The following DOK5 variants were observed in gnomAD, a reference collection of about 807,000 sequenced individuals.
DOK5 encodes docking protein 5.
Under a neutral mutation model 43.3 loss-of-function variants are expected in DOK5, and 27 were observed. That is an observed-to-expected ratio of 0.62 (90% CI 0.46 to 0.86). The LOEUF (loss-of-function observed/expected upper bound fraction) is 0.86, where lower values mean the gene tolerates loss of function less well. Ranked by LOEUF, DOK5 falls within the 40% of genes least tolerant of loss-of-function variation. DOK5 has a pLI of 0.00. For synonymous variants in DOK5, 146 were observed against 140.1 expected, an observed-to-expected ratio of 1.04 and a Z score of -0.30; for missense variants, 373 against 392.9, an observed-to-expected ratio of 0.95 and a Z score of 0.43.
intron 1 of DOK5, among the ~76,000 whole-genome samples, chr20:54,512,151 A>G (rs1983036086): frequency 6.6e-6 from 1 of 152,226 alleles, no homozygotes; most frequent in South Asian, 2.1e-4. Context: ...TGAATACATA[A>G]TGAGTAGACT....
intron 2 of DOK5, among the ~76,000 whole-genome samples, chr20:54,560,182 C>T (rs1984852237): frequency 6.6e-6 from 1 of 152,142 alleles, no homozygotes; most frequent in Non-Finnish European, 1.5e-5. Flanking sequence ...ACAGTTTCTT[C>T]CTCATCTAAA....
At chr20:54,560,131 G>A (rs1202144355) in intron 2 of DOK5, among the ~76,000 whole-genome samples, 1 of 152,212 alleles carries the variant, frequency 6.6e-6, no homozygotes, top group African/African-American at 2.4e-5. Flanking sequence ...GTGTGTGTGT[G>A]TGATAACCTT....
At chr20:54,636,609 GC>G (rs1342100734) in intron 6 of DOK5, among the ~76,000 whole-genome samples, 1 of 152,054 alleles carries the variant, frequency 6.6e-6, no homozygotes, top group African/African-American at 2.4e-5. Flanking sequence ...CCAATCAGCA[GC>G]CCCCATCCCC....
At chr20:54,511,376 A>G (rs1344962145) in intron 1 of DOK5, among the ~76,000 whole-genome samples, 1 of 152,188 alleles carries the variant, frequency 6.6e-6, no homozygotes, top group African/African-American at 2.4e-5. Context: ...CACCTGCTTA[A>G]CTTCCTCATG....
At chr20:54,564,819 C>T (rs1340490200) in intron 2 of DOK5, among the ~76,000 whole-genome samples, 3 of 152,102 alleles carry the variant, frequency 2.0e-5, no homozygotes, top group Non-Finnish European at 4.4e-5. Flanking sequence ...TTGAGGATTC[C>T]CGTCACCCTT....
chr20:54,560,995 A>C (rs1359817318), intron 2 of DOK5, among the ~76,000 whole-genome samples: 1 of 152,204 alleles, frequency 6.6e-6, no homozygotes, highest in Admixed American at 6.5e-5. Context: ...TCAAGGCAGA[A>C]GCCAGGGAGT....
intron 6 of DOK5, among the ~76,000 whole-genome samples, chr20:54,617,298 T>C (rs7266465): frequency 0.011 from 1,727 of 152,258 alleles, 38 homozygotes; most frequent in African/African-American, 0.04. Flanking sequence ...GATTATTTTA[T>C]TCATCTTATC....
chr20:54,581,664 T>C (rs923994967), intron 2 of DOK5, among the ~76,000 whole-genome samples: 1 of 151,962 alleles, frequency 6.6e-6, no homozygotes, highest in African/African-American at 2.4e-5. Flanking sequence ...AGTGAGATAA[T>C]TTTCTTAATT....
intron 1 of DOK5, among the ~76,000 whole-genome samples, chr20:54,532,486 C>T (rs888237002): frequency 3.3e-5 from 5 of 152,054 alleles, no homozygotes; most frequent in South Asian, 2.1e-4. Context: ...AGATGCATTG[C>T]GCCCAGGTGC....
chr20:54,553,020 G>T (rs1285214186), intron 1 of DOK5, among the ~76,000 whole-genome samples: 1 of 152,064 alleles, frequency 6.6e-6, no homozygotes, highest in African/African-American at 2.4e-5. Flanking sequence ...TAGCTCAGAG[G>T]TTCTTAAACT....
intron 2 of DOK5, among the ~76,000 whole-genome samples, chr20:54,558,287 A>G (rs1984781662): frequency 6.6e-6 from 1 of 152,200 alleles, no homozygotes; most frequent in South Asian, 2.1e-4. Flanking sequence ...TTGAGGACAA[A>G]CTTGCTCTAT....
chr20:54,480,392 C>T (rs1789241785), intron 1 of DOK5, among the ~76,000 whole-genome samples: 1 of 152,142 alleles, frequency 6.6e-6, no homozygotes, highest in African/African-American at 2.4e-5. Context: ...TTCCTCACTG[C>T]TACGTGGCGC....
rs146397665 is a variant in DOK5, at chr20:54,600,053, G to A, written c.599+8248G>A. 6.6e-5 allele frequency among the ~76,000 whole-genome samples: 10 copies of A among 152,290 alleles called. No individual in the cohort carries two copies. In the East Asian group the frequency reaches 1.5e-3, roughly 23 times the overall value. ...GAGCAGGACTGGCTTTACTGAGTAC[G>A]TAATCTTAAGAGGTGAGAGTGTGAG... On this transcript the variant is annotated intron_variant, in intron 5 of 7. Transcript: ENST00000262593.
chr20:54,511,046 A>T (rs1462266927), intron 1 of DOK5, among the ~76,000 whole-genome samples: 1 of 152,184 alleles, frequency 6.6e-6, no homozygotes, highest in Non-Finnish European at 1.5e-5. Flanking sequence ...ATGCTGAGCT[A>T]AACACTTTCA....
At chr20:54,574,985 G>A (rs1985408093) in intron 2 of DOK5, among the ~76,000 whole-genome samples, 1 of 152,198 alleles carries the variant, frequency 6.6e-6, no homozygotes, top group Non-Finnish European at 1.5e-5. Context: ...TTTGCCTTAT[G>A]AAGCGATGCC....
Position 54,639,648 on chromosome 20 carries a change from A to AT in DOK5, c.736-3804dup, listed in dbSNP as rs578002977. 2.2e-3 allele frequency among the ~76,000 whole-genome samples: 336 copies of AT among 152,178 alleles called. 1 individual carries two copies. The highest frequency in any genetic ancestry group is 7.8e-3 in the African/African-American group (325 of 41,534). The stretch of plus-strand genomic sequence containing the variant: ...TAAAAAAAAAACTATATAAAAATAT[A>AT]TTTTTTAAGTAGGAAGACTGTAATC... On this transcript the variant is annotated intron_variant, in intron 6 of 7. Transcript: ENST00000262593.
chr20:54,629,430 T>C (rs1978462275), intron 6 of DOK5, among the ~76,000 whole-genome samples: 1 of 152,234 alleles, frequency 6.6e-6, no homozygotes, highest in Non-Finnish European at 1.5e-5. Flanking sequence ...GAACATACTC[T>C]ATAAAACAAG....
At position 54,610,408 on chromosome 20, in the gene DOK5, G is replaced by T; in HGVS notation, c.620G>T (p.Gly207Val). Reference sequence around the variant, plus strand: ...CACAGGATGTGTGAGACTGGTGAAGGGCTGTTTATCTTTCAGACCCGAGAC... The same window carrying T: ...CACAGGATGTGTGAGACTGGTGAAGTGCTGTTTATCTTTCAGACCCGAGAC... The part of the protein sequence containing the change: ...EAGRMCETGE[G>V]LFIFQTRDGE... The change falls in exon 6 of 8, where the codon GGG (glycine) becomes GTG (valine). Residue 207 changes from glycine to valine, a missense_variant. By Grantham distance (109) the Gly-to-Val change is moderately radical. Coordinates refer to ENST00000262593, the MANE Select transcript of DOK5 (RefSeq NM_018431.5). The T allele has an allele frequency of 6.3e-7, 1 of 1,582,938 alleles. No homozygotes were observed. Among genetic ancestry groups the T allele is most frequent in the Non-Finnish European group, 8.6e-7 (1 of 1,166,560 alleles).
chr20:54,481,130 T>TCATC (rs1981694381), intron 1 of DOK5, among the ~76,000 whole-genome samples: 3 of 131,306 alleles, frequency 2.3e-5, no homozygotes. Context: ...CATGTATCTA[T>TCATC]CATCTATCTA....
Sources: allele counts gnomAD v4.1 joint callset (sites outside exome capture counted in the v4.1 genomes callset), GRCh38; gene constraint gnomAD v4.1.1; transcripts MANE v1.5; gene names NCBI Gene and HGNC (gene_info 2026-07-23, HGNC 2026-07-21).